Variants in ADGRL4 observed in about 807,000 individuals in gnomAD.
ADGRL4 encodes EGF, latrophilin and seven transmembrane domain containing 1.
Under a neutral mutation model 74.8 loss-of-function variants are expected in ADGRL4, and 90 were observed. The ratio of observed to expected loss-of-function variants is 1.20; its 90% CI spans 1.02 to 1.43. ADGRL4 has a LOEUF of 1.43. ADGRL4 is among the 40% of genes most tolerant of loss of function. The pLI, the probability that ADGRL4 is intolerant of heterozygous loss-of-function variation, is 0.00. For synonymous variants in ADGRL4, 311 were observed against 279.2 expected (o/e 1.11, Z -1.14); for missense variants, 881 against 814.3 (o/e 1.08, Z -1.00).
chr1:78,920,107 A>T, intron 10 of ADGRL4, 76 bp downstream of exon 10: 1 of 1,093,826 alleles, frequency 9.1e-7, no homozygotes, highest in Non-Finnish European at 1.3e-6. Context: ...AATTACAAAT[A>T]ATGTTTCTAG....
At chr1:78,897,011 G>A (rs1448887837) in intron 12 of ADGRL4, among the ~76,000 whole-genome samples, 1 of 152,020 alleles carries the variant, frequency 6.6e-6, no homozygotes, top group African/African-American at 2.4e-5. Context: ...ATGCCATCTT[G>A]CCTACATACT....
chr1:78,941,810 G>A (rs1649488202), intron 3 of ADGRL4, among the ~76,000 whole-genome samples: 2 of 152,136 alleles, frequency 1.3e-5, no homozygotes, highest in South Asian at 4.1e-4. Flanking sequence ...CTTTCCTGCA[G>A]GAAAAGTCTC....
chr1:78,926,955 G>A lies in ADGRL4; in HGVS notation c.1014C>T (p.Val338=). 2 of 1,612,204 alleles carry A rather than the reference G, an allele frequency of 1.2e-6. No homozygotes were observed. The highest frequency in any genetic ancestry group is 1.7e-6 in the Non-Finnish European group (2 of 1,178,880). Residue 338 remains valine (V), a synonymous_variant, in exon 8 of 15, where the codon GTC becomes GTT. Coordinates refer to ENST00000370742, the MANE Select transcript of ADGRL4 (RefSeq NM_022159.4). ...ATGTGGGTGGGTTTGAGCTCATTGA[G>A]ACTGAAATTACTGAAGATATGACTC... ...EERVISSVIS[V]SMSSNPPTLY...
chr1:78,991,634 G>T (rs1016309408), intron 2 of ADGRL4, among the ~76,000 whole-genome samples: 1 of 151,788 alleles, frequency 6.6e-6, no homozygotes, highest in African/African-American at 2.4e-5. Flanking sequence ...TTTGAAATAT[G>T]TGAAAATATA....
At chr1:78,953,630 A>G (rs1570251134) in intron 2 of ADGRL4, among the ~76,000 whole-genome samples, 1 of 152,324 alleles carries the variant, frequency 6.6e-6, no homozygotes, top group East Asian at 1.9e-4. Context: ...TCAATCATGC[A>G]CTGTGTGTGA....
chr1:78,949,548 G>A (rs1006616251), intron 2 of ADGRL4, among the ~76,000 whole-genome samples: 1 of 152,078 alleles, frequency 6.6e-6, no homozygotes, highest in African/African-American at 2.4e-5. Flanking sequence ...TCAAGATTGT[G>A]GAGATAGGCA....
rs377250533 is a variant in ADGRL4 at position 78,962,566 on chromosome 1, T to C, written c.173-16140A>G. On this transcript the variant is annotated intron_variant, in intron 2 of 14. Coordinates refer to ENST00000370742, the MANE Select transcript of ADGRL4 (RefSeq NM_022159.4). Reference sequence around the variant, plus strand: ...TCTCCCCTGTCTCCCCCATCCAAGCTGAAACTTTATATTGATGATGTTAGG... The same window carrying C: ...TCTCCCCTGTCTCCCCCATCCAAGCCGAAACTTTATATTGATGATGTTAGG... 1.5e-3 allele frequency among the ~76,000 whole-genome samples: 221 copies of C among 152,276 alleles called. 3 individuals carry two copies. Among genetic ancestry groups the C allele is most frequent in the African/African-American group, 5.2e-3 (215 of 41,576 alleles).
At chr1:78,935,673 T>C (rs1232049816) in intron 7 of ADGRL4, among the ~76,000 whole-genome samples, 1 of 152,166 alleles carries the variant, frequency 6.6e-6, no homozygotes, top group Non-Finnish European at 1.5e-5. Context: ...CTTTGCTGTA[T>C]AAGGAGTAGT....
chr1:78,937,030 T>C (rs1649368765), intron 6 of ADGRL4, among the ~76,000 whole-genome samples: 1 of 152,174 alleles, frequency 6.6e-6, no homozygotes, highest in African/African-American at 2.4e-5. Flanking sequence ...GGATCCTCAA[T>C]TTGATACAAG....
intron 2 of ADGRL4, among the ~76,000 whole-genome samples, chr1:78,972,072 TAAAAAA>T (rs1186619123): frequency 6.6e-6 from 1 of 152,140 alleles, no homozygotes; most frequent in Non-Finnish European, 1.5e-5. Context: ...TTTTAAGGAT[TAAAAAA>T]CCTTAAATAT....
At chr1:78,947,699 A>T (rs1649632121) in intron 2 of ADGRL4, among the ~76,000 whole-genome samples, 1 of 152,192 alleles carries the variant, frequency 6.6e-6, no homozygotes, top group Non-Finnish European at 1.5e-5. Context: ...AAAATAAAGG[A>T]ATAAAAAATT....
At chr1:78,958,836 T>C (rs1411900019) in intron 2 of ADGRL4, among the ~76,000 whole-genome samples, 1 of 152,212 alleles carries the variant, frequency 6.6e-6, no homozygotes, top group Non-Finnish European at 1.5e-5. Flanking sequence ...GGGAAATCTT[T>C]TGTGACAGGA....
chr1:78,994,391 T>C (rs1650673940), intron 2 of ADGRL4, among the ~76,000 whole-genome samples: 1 of 152,150 alleles, frequency 6.6e-6, no homozygotes, highest in African/African-American at 2.4e-5. Flanking sequence ...TTTCAATAAA[T>C]TCAGCATAGG....
intron 10 of ADGRL4, among the ~76,000 whole-genome samples, chr1:78,919,036 G>A (rs1401875722): frequency 6.6e-6 from 1 of 151,882 alleles, no homozygotes; most frequent in Non-Finnish European, 1.5e-5. Flanking sequence ...GATAGTGGGA[G>A]ATACATAAAA....
At chr1:78,973,788 TGG>T (rs1650223140) in intron 2 of ADGRL4, among the ~76,000 whole-genome samples, 1 of 151,760 alleles carries the variant, frequency 6.6e-6, no homozygotes, top group Non-Finnish European at 1.5e-5. Flanking sequence ...GGTGCTAAAG[TGG>T]TTTTGTTTTA....
rs187415453 is a variant in ADGRL4, at chr1:78,960,310, A to G, written c.173-13884T>C. Among the ~76,000 whole-genome samples, 4 of 152,322 alleles carry G rather than the reference A, an allele frequency of 2.6e-5. No homozygotes were observed. In the East Asian group the frequency reaches 7.7e-4, roughly 29 times the overall value. On this transcript the variant is annotated intron_variant, in intron 2 of 14. Coordinates refer to ENST00000370742, the MANE Select transcript of ADGRL4 (RefSeq NM_022159.4). ...TATACATGGCACTTTATGATTTTAT[A>G]TATGTTTGTAAATATCTAGTATCTA... is the stretch of plus-strand genomic sequence containing the variant.
intron 2 of ADGRL4, among the ~76,000 whole-genome samples, chr1:78,999,569 T>A (rs963860333): frequency 3.3e-5 from 5 of 151,952 alleles, no homozygotes; most frequent in African/African-American, 1.2e-4. Context: ...CGAGACTCCG[T>A]CTTAAATAAA....
At chr1:78,925,451 T>C (rs1278808877) in intron 8 of ADGRL4, among the ~76,000 whole-genome samples, 1 of 152,080 alleles carries the variant, frequency 6.6e-6, no homozygotes, top group Non-Finnish European at 1.5e-5. Flanking sequence ...TAATTACTGT[T>C]ACTATTCTTC....
rs540641856 is a variant in ADGRL4, at chr1:78,893,127, T to G, written c.1812A>C (p.Lys604Asn). 1 of 1,600,002 alleles carries G rather than the reference T, an allele frequency of 6.2e-7. No homozygotes were observed. Among genetic ancestry groups the G allele is most frequent in the African/African-American group, 1.4e-5 (1 of 73,728 alleles). Reference sequence around the variant, plus strand: ...TGTTCTCAAAGCAACTAACTTCTGGTTTCAACCCTGCAGTGTGACGAAAAA... The same window carrying G: ...TGTTCTCAAAGCAACTAACTTCTGGGTTCAACCCTGCAGTGTGACGAAAAA... Reference protein sequence around the residue: ...YKVFRHTAGLKPEVSCFENIR... With the variant: ...YKVFRHTAGLNPEVSCFENIR... Residue 604 changes from lysine to asparagine, a missense_variant, in exon 13 of 15, where the codon AAA becomes AAC. Coordinates refer to ENST00000370742, the MANE Select transcript of ADGRL4 (RefSeq NM_022159.4).
Sources: allele counts gnomAD v4.1 joint callset (sites outside exome capture counted in the v4.1 genomes callset), GRCh38; gene constraint gnomAD v4.1.1; transcripts MANE v1.5; gene names NCBI Gene and HGNC (gene_info 2026-07-23, HGNC 2026-07-21).